Variants in UNC79 observed in about 807,000 individuals in gnomAD.
UNC79 encodes unc-79 subunit of NALCN channel complex.
Under a neutral mutation model 283.1 loss-of-function variants are expected in UNC79, and 37 were observed. The observed-to-expected ratio is 0.13, with a 90% confidence interval of 0.10 to 0.17. The LOEUF is 0.17. UNC79 is among the 10% of genes least tolerant of loss of function. The pLI, the probability that UNC79 is intolerant of heterozygous loss-of-function variation, is 1.00. For missense variants in UNC79, 2,272 were observed against 3,211.1 expected, an observed-to-expected ratio of 0.71 and a Z score of 7.07; for synonymous variants, 1,107 against 1,200.2, an observed-to-expected ratio of 0.92 and a Z score of 1.61.
intron 40 of UNC79, among the ~76,000 whole-genome samples, chr14:93,667,930 G>T (rs536074218): frequency 6.6e-6 from 1 of 152,290 alleles, no homozygotes; most frequent in East Asian, 1.9e-4. Flanking sequence ...TTCAGCAGGT[G>T]CAAGAAAATA....
chr14:93,594,348 C>T (rs1195820728), intron 23 of UNC79, among the ~76,000 whole-genome samples: 1 of 152,106 alleles, frequency 6.6e-6, no homozygotes, highest in Admixed American at 6.6e-5. Context: ...CGGCTCACTG[C>T]AACCTCTGCC....
At chr14:93,505,720 TTC>T (rs954901096) in intron 7 of UNC79, among the ~76,000 whole-genome samples, 3 of 150,724 alleles carry the variant, frequency 2.0e-5, no homozygotes, top group Admixed American at 6.6e-5. Context: ...TTTTTCTTTT[TTC>T]TCTCTCTCTT....
At chr14:93,503,250 G>A (rs1283170287) in intron 7 of UNC79, among the ~76,000 whole-genome samples, 1 of 151,992 alleles carries the variant, frequency 6.6e-6, no homozygotes, top group African/African-American at 2.4e-5. Flanking sequence ...TTTTTTTATT[G>A]CTGTGCCTAT....
intron 1 of UNC79, among the ~76,000 whole-genome samples, chr14:93,425,232 G>A (rs980666274): frequency 6.6e-6 from 1 of 152,048 alleles, no homozygotes; most frequent in African/African-American, 2.4e-5. Flanking sequence ...GAGCAAAAGG[G>A]GGAAAAGCCC....
rs760118500 is a variant in UNC79, at chr14:93,634,505, A to C, written c.5717-2711A>C. ...AAATTTATTATTATAATCATCTCCT[A>C]ATTTCCTCCATCTAGCTCAGTATAG... On this transcript the variant is annotated intron_variant, in intron 31 of 48. Transcript: ENST00000555664. The C allele has an allele frequency of 1.9e-6, 3 of 1,577,404 alleles. No individual in the cohort carries two copies. The highest frequency in any genetic ancestry group is 2.6e-6 in the Non-Finnish European group (3 of 1,147,660).
intron 41 of UNC79, among the ~76,000 whole-genome samples, chr14:93,677,658 C>CT (rs531994020): frequency 1.4e-4 from 21 of 151,116 alleles, no homozygotes; most frequent in South Asian, 2.1e-4. Context: ...AGTAGTTCCT[C>CT]TTTTTTTTTG....
chr14:93,674,245 G>A (rs1462752614), intron 41 of UNC79, among the ~76,000 whole-genome samples: 4 of 152,200 alleles, frequency 2.6e-5, no homozygotes, highest in Non-Finnish European at 5.9e-5. Flanking sequence ...TAGCATTTGA[G>A]TTGGGTCACA....
chr14:93,655,180 T>C, intron 37 of UNC79, 54 bp from the exon 41 acceptor site: 2 of 1,586,542 alleles, frequency 1.3e-6, no homozygotes, highest in Non-Finnish European at 1.7e-6. Context: ...CAAATAGCGC[T>C]ATGCATTCCC....
rs757815984 is a variant in UNC79 at position 93,355,726 on chromosome 14, G to GTT, written c.-351+22204_-351+22205insTT. ...CTTCATCTCTTAACAACTCTTAACT[G>GTT]TCTTCCTAACTATGCTCTTGTTATA... is the stretch of plus-strand genomic sequence containing the variant. On this transcript the variant is annotated intron_variant, in intron 1 of 49. Coordinates refer to the UNC79 transcript ENST00000256339. Among the ~76,000 whole-genome samples the GTT allele has an allele frequency of 3.9e-5, 6 of 152,272 alleles. 1 individual carries two copies. The South Asian group carries it at 6.2e-4, about 16-fold the overall frequency.
At chr14:93,565,181 G>A (rs1251296564) in intron 14 of UNC79, among the ~76,000 whole-genome samples, 1 of 152,226 alleles carries the variant, frequency 6.6e-6, no homozygotes, top group African/African-American at 2.4e-5. Context: ...GCTGAGCACT[G>A]TGGGGTTACA....
chr14:93,651,922 T>A (rs1005112807), intron 35 of UNC79, among the ~76,000 whole-genome samples: 1 of 145,072 alleles, frequency 6.9e-6, no homozygotes, highest in South Asian at 2.2e-4. Flanking sequence ...ATTTTTTTTT[T>A]TTTTTTTTTT....
At chr14:93,571,405 A>G (rs1375222517) in intron 14 of UNC79, among the ~76,000 whole-genome samples, 1 of 152,208 alleles carries the variant, frequency 6.6e-6, no homozygotes, top group East Asian at 1.9e-4. Flanking sequence ...AAATTGTGGC[A>G]GGGTACGCAG....
intron 2 of UNC79, among the ~76,000 whole-genome samples, chr14:93,469,483 A>G (rs1430202991): frequency 6.6e-6 from 1 of 152,156 alleles, no homozygotes; most frequent in Non-Finnish European, 1.5e-5. Flanking sequence ...TATTTATGCT[A>G]TTAGAAAGTT....
intron 1 of UNC79, among the ~76,000 whole-genome samples, chr14:93,467,427 A>G (rs1279277017): frequency 6.8e-6 from 1 of 148,002 alleles, no homozygotes; most frequent in Non-Finnish European, 1.5e-5. Context: ...TAAACCAGAA[A>G]ACTAAGAATA....
chr14:93,591,766 T>G (rs2064697718), intron 22 of UNC79, among the ~76,000 whole-genome samples: 1 of 152,240 alleles, frequency 6.6e-6, no homozygotes, highest in African/African-American at 2.4e-5. Flanking sequence ...CATGGTGCTA[T>G]TCATGGTTTA....
chr14:93,577,139 G>A (rs983958883), intron 17 of UNC79, among the ~76,000 whole-genome samples: 2 of 152,158 alleles, frequency 1.3e-5, no homozygotes, highest in Admixed American at 1.3e-4. Flanking sequence ...GGTCAAGCCT[G>A]CAGAGAGCCG....
intron 7 of UNC79, among the ~76,000 whole-genome samples, chr14:93,520,788 C>T (rs1208399097): frequency 3.9e-5 from 6 of 151,920 alleles, no homozygotes; most frequent in Non-Finnish European, 7.4e-5. Context: ...CATCTCTATC[C>T]TCATTATGCC....
At chr14:93,420,467 A>G (rs977266735) in intron 1 of UNC79, among the ~76,000 whole-genome samples, 7 of 151,808 alleles carry the variant, frequency 4.6e-5, no homozygotes, top group African/African-American at 1.7e-4. Context: ...AGAAAATATT[A>G]TTAGAGCTAA....
At chr14:93,596,171 A>G (rs1299813531) in intron 23 of UNC79, among the ~76,000 whole-genome samples, 1 of 152,264 alleles carries the variant, frequency 6.6e-6, no homozygotes, top group Admixed American at 6.5e-5. Flanking sequence ...TATTGTGTTC[A>G]TAGCTCATAT....
Sources: allele counts gnomAD v4.1 joint callset (sites outside exome capture counted in the v4.1 genomes callset), GRCh38; gene constraint gnomAD v4.1.1; transcripts MANE v1.5; gene names NCBI Gene and HGNC (gene_info 2026-07-23, HGNC 2026-07-21).